Variants in FANCA observed in about 807,000 individuals in gnomAD.
FANCA encodes the protein FA complementation group A.
Under a neutral mutation model 194.3 loss-of-function variants are expected in FANCA, and 236 were observed. That is an observed-to-expected ratio of 1.21 (90% CI 1.09 to 1.35). FANCA has a LOEUF of 1.35. FANCA is among the 40% of genes most tolerant of loss of function. The pLI is 0.00. For missense variants in FANCA, 2,628 were observed against 1,813.9 expected (o/e 1.45, Z -8.15); for synonymous variants, 1,014 against 715.8 (o/e 1.42, Z -6.65).
At chr16:89,805,146 G>A (rs1390260433) in intron 7 of FANCA, 134 bp downstream of exon 7, 7 of 709,348 alleles carry the variant, frequency 9.9e-6, no homozygotes, top group South Asian at 6.1e-5. Context: ...CTGAGACTGG[G>A]AGTCTGTCAT....
At chr16:89,775,870 G>C (rs904501422) in intron 20 of FANCA, 55 bp from the exon 21 acceptor site, 2 of 1,116,900 alleles carry the variant, frequency 1.8e-6, no homozygotes, top group African/African-American at 3.1e-5. Flanking sequence ...ATTAATTCAA[G>C]ATTACAATCC....
chr16:89,799,008 T>A lies in FANCA; in HGVS notation c.893+158A>T, dbSNP rs766561109. On this transcript the variant is annotated intron_variant, in intron 10 of 42. Coordinates refer to ENST00000389301, the MANE Select transcript of FANCA (RefSeq NM_000135.4). ...CCAGAGCGTTCCCCGGGCTTTCCCA[T>A]GGTCGCCTCCTCCTCACGCACGTTA... The A allele has an allele frequency of 1.0e-4, 161 of 1,614,092 alleles. 3 individuals carry two copies. In the South Asian group the frequency reaches 1.7e-3, roughly 17 times the overall value.
Position 89,748,733 on chromosome 16 carries a change from C to T in FANCA, c.3274G>A (p.Gly1092Ser), listed in dbSNP as rs772828870. 1.1e-5 allele frequency: 17 copies of T among 1,613,966 alleles called. No individual in the cohort carries two copies. The East Asian group carries it at 1.8e-4, about 17-fold the overall frequency. The change falls in exon 33 of 43, where the codon GGC (glycine) becomes AGC (serine). Residue 1092 changes from glycine to serine, a missense_variant. Physicochemically the swap from Gly to Ser is moderately conservative, Grantham distance 56. Coordinates refer to ENST00000389301, the MANE Select transcript of FANCA (RefSeq NM_000135.4). The stretch of plus-strand genomic sequence containing the variant: ...GGCTGTTCTGCCTGGAAGCTGCTGC[C>T]GCAGAGGACAGACGAAGGCAGGCGG... The part of the protein sequence containing the change: ...LLRLPSSVLC[G>S]SSFQAEQPIT...
At chr16:89,797,241 G>T (rs1286354151) in intron 10 of FANCA, among the ~76,000 whole-genome samples, 1 of 152,186 alleles carries the variant, frequency 6.6e-6, no homozygotes, top group Non-Finnish European at 1.5e-5. Flanking sequence ...TGAGGCAGGA[G>T]AATCGCTTGA....
At chr16:89,749,601 G>A in intron 32 of FANCA, 129 bp downstream of exon 32, 5 of 1,181,436 alleles carry the variant, frequency 4.2e-6, no homozygotes, top group South Asian at 3.9e-5. Flanking sequence ...AAATGGACAG[G>A]CTTGGGGTGG....
chr16:89,741,096 T>C (rs989150699), intron 37 of FANCA, among the ~76,000 whole-genome samples: 3 of 152,180 alleles, frequency 2.0e-5, no homozygotes, highest in African/African-American at 4.8e-5. Context: ...TAGAAACAGT[T>C]TGAAAAAGTG....
chr16:89,757,084 TC>T (rs2038792263), intron 30 of FANCA, among the ~76,000 whole-genome samples: 1 of 152,110 alleles, frequency 6.6e-6, no homozygotes. Flanking sequence ...GCTCATGCAA[TC>T]CCACCTCAGC....
intron 6 of FANCA, among the ~76,000 whole-genome samples, chr16:89,807,743 C>A (rs896454993): frequency 1.3e-5 from 2 of 151,632 alleles, no homozygotes; most frequent in Non-Finnish European, 2.9e-5. Flanking sequence ...ATTAGCCAGG[C>A]GTGGTGGCGG....
intron 3 of FANCA, among the ~76,000 whole-genome samples, chr16:89,813,243 T>C (rs1430171284): frequency 1.3e-5 from 2 of 151,610 alleles, no homozygotes; most frequent in Non-Finnish European, 2.9e-5. Context: ...GGCAAAACCC[T>C]GTCTCTATGA....
chr16:89,744,723 C>A, intron 36 of FANCA: 1 of 559,878 alleles, frequency 1.8e-6, no homozygotes, highest in South Asian at 1.8e-5. Context: ...TTGGAGTGAT[C>A]TCGGCTCACT....
At chr16:89,780,929 CA>C (rs374412313) in intron 17 of FANCA, among the ~76,000 whole-genome samples, 27,056 of 107,292 alleles carry the variant, frequency 0.25, 2,679 homozygotes, top group Middle Eastern at 0.44. Context: ...CATCCCACCT[CA>C]AAAAAAAAAA....
chr16:89,739,400 C>A (rs762625682), intron 40 of FANCA, 78 bp downstream of exon 40: 5 of 1,568,194 alleles, frequency 3.2e-6, no homozygotes, highest in Non-Finnish European at 4.3e-6. Context: ...CCCTTCCCAT[C>A]TGGCGGGACC....
chr16:89,779,964 C>G lies in FANCA; in HGVS notation c.1627-7G>C. Reference sequence around the variant, plus strand: ...GAAGAGCTTGGCTGTGGGGCTGGTTCCCATACAGGGAGGAAAGGAAAAAGA... The same window carrying G: ...GAAGAGCTTGGCTGTGGGGCTGGTTGCCATACAGGGAGGAAAGGAAAAAGA... On this transcript the variant is annotated splice_polypyrimidine_tract_variant and splice_region_variant and intron_variant, in intron 17 of 42. Transcript: ENST00000389301. 1 of 1,613,546 alleles carries G rather than the reference C, an allele frequency of 6.2e-7. No homozygotes were observed. The highest frequency in any genetic ancestry group is 8.5e-7 in the Non-Finnish European group (1 of 1,179,508).
chr16:89,750,047 A>G, intron 31 of FANCA, 145 bp from the exon 32 acceptor site: 1 of 840,998 alleles, frequency 1.2e-6, no homozygotes, highest in South Asian at 1.4e-5. Context: ...TTCAATTGGA[A>G]ATCACTTTGA....
At chr16:89,795,871 G>A in intron 11 of FANCA, 35 bp downstream of exon 11, 1 of 1,500,442 alleles carries the variant, frequency 6.7e-7, no homozygotes, top group South Asian at 1.1e-5. Context: ...TCCCCAAAAT[G>A]GGTAGCAACT....
Position 89,803,353 on chromosome 16 carries a change from T to C in FANCA, c.710-12A>G, listed in dbSNP as rs1800286. 0.65 allele frequency: 1,049,682 copies of C among 1,612,118 alleles called. 350,575 individuals carry two copies. The highest frequency in any genetic ancestry group is 0.98 in the East Asian group (44,102 of 44,866). ...CATTTGAACAAAATCTGAAAAACCA[T>C]AAAACCAAAGTTATTTATGGACATC... On this transcript the variant is annotated splice_polypyrimidine_tract_variant and intron_variant, in intron 7 of 42. Transcript: ENST00000389301.
intron 37 of FANCA, among the ~76,000 whole-genome samples, chr16:89,742,225 C>T (rs2062150744): frequency 6.6e-6 from 1 of 152,030 alleles, no homozygotes; most frequent in Non-Finnish European, 1.5e-5. Context: ...GATCCGCCTG[C>T]CTCGGCCTCC....
chr16:89,763,960 T>A (rs1286270476), intron 28 of FANCA, among the ~76,000 whole-genome samples: 1 of 143,540 alleles, frequency 7.0e-6, no homozygotes, highest in African/African-American at 2.6e-5. Flanking sequence ...AAAAACAAGT[T>A]CTCGGGCGCA....
chr16:89,761,950 G>T lies in FANCA; in HGVS notation c.2851C>A (p.Arg951=), dbSNP rs755546887. 8.1e-6 allele frequency: 13 copies of T among 1,613,142 alleles called. No homozygotes were observed. Among genetic ancestry groups the T allele is most frequent in the African/African-American group, 1.3e-5 (1 of 74,872 alleles). Residue 951 remains arginine (R), a splice_region_variant and synonymous_variant, in exon 29 of 43, where the codon CGG becomes AGG. Transcript: ENST00000389301. ...PEADALSDTE[R]QDFHQWAIHE... The stretch of plus-strand genomic sequence containing the variant: ...AGGGTAGCTCTTTTCAACACTTACC[G>T]TTCAGTATCTGAAAGAGCATCAGCT...
Sources: allele counts gnomAD v4.1 joint callset (sites outside exome capture counted in the v4.1 genomes callset), GRCh38; gene constraint gnomAD v4.1.1; transcripts MANE v1.5; gene names NCBI Gene and HGNC (gene_info 2026-07-23, HGNC 2026-07-21).